The following LINGO2 variants were observed in gnomAD, a reference collection of about 807,000 sequenced individuals.
LINGO2 encodes the protein leucine-rich repeat and immunoglobulin-like domain-containing nogo receptor-interacting protein 2.
Under a neutral mutation model 30.6 loss-of-function variants are expected in LINGO2, and 14 were observed. The observed-to-expected ratio is 0.46, with a 90% CI of 0.30 to 0.72. LINGO2 has a LOEUF of 0.72. LINGO2 is among the 30% of genes least tolerant of loss of function. LINGO2 has a pLI of 0.07. For synonymous variants in LINGO2, 317 were observed against 288.5 expected (o/e 1.10, Z -1.00); for missense variants, 729 against 751.7 (o/e 0.97, Z 0.35).
chr9:28,476,381 T>G (rs1181245359), intron 1 of LINGO2, among the ~76,000 whole-genome samples: 2 of 152,142 alleles, frequency 1.3e-5, no homozygotes, highest in African/African-American at 2.4e-5. Flanking sequence ...GTTCACGCCA[T>G]TCTCCTGCCT....
chr9:28,985,815 T>A, the LINGO2 span, among the ~76,000 whole-genome samples: 2 of 152,064 alleles, frequency 1.3e-5, no homozygotes, highest in African/African-American at 4.8e-5. Context: ...ATCCCTAAGT[T>A]TTTTATTCAT....
chr9:28,916,097 T>G, the LINGO2 span, among the ~76,000 whole-genome samples: 1 of 151,988 alleles, frequency 6.6e-6, no homozygotes, highest in Non-Finnish European at 1.5e-5. Context: ...ACACCCCACT[T>G]CTCTTTGGAA....
At position 28,538,811 on chromosome 9, in the gene LINGO2, A is replaced by T. The variant is rs112451649; in HGVS notation, c.-364-62786T>A. Among the ~76,000 whole-genome samples the T allele has an allele frequency of 2.5e-3, 373 of 152,152 alleles. 2 individuals carry two copies. Among genetic ancestry groups the T allele is most frequent in the African/African-American group, 8.0e-3 (332 of 41,536 alleles). On this transcript the variant is annotated intron_variant, in intron 1 of 5. Coordinates refer to ENST00000379992, the Ensembl canonical transcript of LINGO2. ...ACCTCCCGAAAGTCCCCACCTCCTA[A>T]CATTGTTGCATTGGGGTTTTGGGGT...
intron 4 of LINGO2, among the ~76,000 whole-genome samples, chr9:28,164,452 A>G (rs1326948074): frequency 1.3e-5 from 2 of 152,314 alleles, no homozygotes; most frequent in Admixed American, 1.3e-4. Flanking sequence ...TTTTATCTCC[A>G]TCTTAGAGAT....
chr9:28,807,550 A>G, the LINGO2 span, among the ~76,000 whole-genome samples: 1 of 152,206 alleles, frequency 6.6e-6, no homozygotes, highest in Non-Finnish European at 1.5e-5. Flanking sequence ...AATAGCCATT[A>G]TTTAGCCTAT....
At chr9:29,102,077 T>C in the LINGO2 span, among the ~76,000 whole-genome samples, 1 of 147,832 alleles carries the variant, frequency 6.8e-6, no homozygotes, top group Non-Finnish European at 1.5e-5. Context: ...TCTGTTAACA[T>C]CTGCATCTTT....
chr9:27,953,846 T>A (rs1819433876), intron 5 of LINGO2, among the ~76,000 whole-genome samples: 1 of 152,182 alleles, frequency 6.6e-6, no homozygotes, highest in Non-Finnish European at 1.5e-5. Context: ...TGATATATGC[T>A]GTACTCACAT....
chr9:27,952,250 T>C (rs1302298107), intron 5 of LINGO2, among the ~76,000 whole-genome samples: 1 of 151,952 alleles, frequency 6.6e-6, no homozygotes, highest in African/African-American at 2.4e-5. Flanking sequence ...TCATGGCATC[T>C]CAAAAACATC....
the LINGO2 span, among the ~76,000 whole-genome samples, chr9:28,757,545 A>C: frequency 8.4e-6 from 1 of 119,728 alleles, no homozygotes; most frequent in African/African-American, 3.7e-5. Context: ...AAAACACTAA[A>C]TATAGGATAT....
the LINGO2 span, among the ~76,000 whole-genome samples, chr9:28,905,113 T>C: frequency 6.6e-6 from 1 of 151,926 alleles, no homozygotes; most frequent in African/African-American, 2.4e-5. Context: ...TCACATGATA[T>C]ATAAAAATCA....
chr9:29,051,536 C>G, the LINGO2 span, among the ~76,000 whole-genome samples: 1 of 152,058 alleles, frequency 6.6e-6, no homozygotes, highest in Non-Finnish European at 1.5e-5. Flanking sequence ...AAGGGTAAAA[C>G]CTACAGTTCT....
chr9:28,506,483 C>CAA (rs1364134154), intron 1 of LINGO2, among the ~76,000 whole-genome samples: 1 of 23,980 alleles, frequency 4.2e-5, no homozygotes. Context: ...CACACACATA[C>CAA]ACATACACAC....
chr9:28,547,809 A>T (rs1465958804), intron 1 of LINGO2, among the ~76,000 whole-genome samples: 1 of 152,146 alleles, frequency 6.6e-6, no homozygotes. Flanking sequence ...ATACAGAGTG[A>T]ATGGTGAATA....
the LINGO2 span, among the ~76,000 whole-genome samples, chr9:29,042,615 T>G: frequency 1.3e-5 from 2 of 151,998 alleles, no homozygotes; most frequent in African/African-American, 2.4e-5. Context: ...TTTAATCTTA[T>G]GTAACTTTTA....
chr9:28,393,820 T>C (rs1436235974), intron 2 of LINGO2, among the ~76,000 whole-genome samples: 1 of 152,122 alleles, frequency 6.6e-6, no homozygotes, highest in Non-Finnish European at 1.5e-5. Context: ...TTAACACCCA[T>C]TCTCCTCTCC....
intron 1 of LINGO2, among the ~76,000 whole-genome samples, chr9:28,529,848 A>G (rs181722431): frequency 4.6e-5 from 7 of 152,220 alleles, no homozygotes; most frequent in Admixed American, 4.6e-4. Context: ...AAGTGTGAAA[A>G]GAGCTCTAAA....
intron 4 of LINGO2, among the ~76,000 whole-genome samples, chr9:28,029,181 T>C (rs975344063): frequency 1.3e-5 from 2 of 151,780 alleles, no homozygotes; most frequent in Non-Finnish European, 1.5e-5. Flanking sequence ...AGAAGCCAAG[T>C]GATAAGACAA....
chr9:28,107,776 A>C (rs756801420), intron 4 of LINGO2, among the ~76,000 whole-genome samples: 1 of 152,158 alleles, frequency 6.6e-6, no homozygotes, highest in Non-Finnish European at 1.5e-5. Context: ...TAAATGATTC[A>C]TTTCTAAGGG....
intron 2 of LINGO2, among the ~76,000 whole-genome samples, chr9:28,471,727 A>AT: frequency 6.6e-6 from 1 of 152,208 alleles, no homozygotes; most frequent in Non-Finnish European, 1.5e-5. Flanking sequence ...GGGAATACAA[A>AT]TTGGTTTAAC....
Sources: gnomAD v4.1 joint callset for allele counts (sites outside exome capture counted in the v4.1 genomes callset) on GRCh38, gnomAD v4.1.1 for gene constraint, MANE v1.5 for transcripts, NCBI Gene and HGNC (gene_info 2026-07-23, HGNC 2026-07-21) for gene names.